Variants in GABPA observed in about 807,000 individuals in gnomAD.
The protein encoded by GABPA is GA binding protein transcription factor subunit alpha, also known as GA-binding protein alpha chain.
In GABPA, 4 loss-of-function variants were observed where a neutral mutation model predicts 59.4. That is an observed-to-expected ratio of 0.07 (90% CI 0.03 to 0.15). The LOEUF (loss-of-function observed/expected upper bound fraction) is 0.15. Among genes scored for constraint, GABPA ranks in the 10% least tolerant of loss-of-function variants. The pLI is 1.00. For missense variants in GABPA, 251 were observed against 543.8 expected (o/e 0.46, Z 5.36); for synonymous variants, 164 against 183.1 (o/e 0.90, Z 0.84).
chr21:25,757,670 A>G (rs541338482), intron 5 of GABPA, among the ~76,000 whole-genome samples: 1 of 152,008 alleles, frequency 6.6e-6, no homozygotes, highest in Non-Finnish European at 1.5e-5. Context: ...TTAAACTTGG[A>G]TAATTTACTT....
intron 5 of GABPA, 131 bp downstream of exon 5, chr21:25,752,365 CTT>C (rs2035534830): frequency 2.1e-6 from 2 of 968,578 alleles, no homozygotes; most frequent in Non-Finnish European, 1.5e-6. Flanking sequence ...CTGTATCTCT[CTT>C]TTAATTGTAA....
rs577783224 is a variant in GABPA, at chr21:25,771,143, C to T, written c.*1911C>T. The T allele has an allele frequency of 1.2e-4, 18 of 151,982 alleles. No individual in the cohort carries two copies. The East Asian group carries it at 2.9e-3, about 24-fold the overall frequency. The allele number at this position is 151,982 out of a possible 1,614,324, so 9.4% of individuals were successfully genotyped here. On this transcript the variant is annotated 3_prime_UTR_variant, in exon 10 of 10. Coordinates refer to ENST00000400075, the MANE Select transcript of GABPA (RefSeq NM_002040.4). ...AGTTTTAAAAAAATAATAAAGTATACCCTTCTGGTATATCATCAAGAGCTT... is the reference window on the plus strand; with the variant it reads ...AGTTTTAAAAAAATAATAAAGTATATCCTTCTGGTATATCATCAAGAGCTT...
chr21:25,765,460 A>G (rs2035868015), intron 9 of GABPA, among the ~76,000 whole-genome samples: 1 of 151,872 alleles, frequency 6.6e-6, no homozygotes, highest in Admixed American at 6.6e-5. Flanking sequence ...AAAGATTATA[A>G]TTTAGCTCAC....
chr21:25,757,067 A>G (rs933685480), intron 5 of GABPA, among the ~76,000 whole-genome samples: 3 of 151,892 alleles, frequency 2.0e-5, no homozygotes, highest in African/African-American at 7.3e-5. Context: ...TGTTTGATTT[A>G]TTTTCACTAT....
intron 6 of GABPA, among the ~76,000 whole-genome samples, chr21:25,759,115 G>C (rs554191199): frequency 1.3e-5 from 2 of 152,084 alleles, no homozygotes; most frequent in East Asian, 3.9e-4. Flanking sequence ...GGCTGTCCAA[G>C]AAAACAAGGC....
At chr21:25,747,134 C>T (rs2035387125) in intron 3 of GABPA, among the ~76,000 whole-genome samples, 1 of 152,202 alleles carries the variant, frequency 6.6e-6, no homozygotes, top group South Asian at 2.1e-4. Flanking sequence ...AAAGGGTATA[C>T]TGGAATTTGA....
chr21:25,758,779 T>C (rs1453789260), intron 6 of GABPA, among the ~76,000 whole-genome samples: 2 of 152,192 alleles, frequency 1.3e-5, no homozygotes, highest in African/African-American at 2.4e-5. Context: ...TTTCCACTTA[T>C]AACTTGTAAG....
intron 3 of GABPA, 64 bp downstream of exon 3, chr21:25,745,418 A>T: frequency 6.7e-7 from 1 of 1,484,630 alleles, no homozygotes; most frequent in Non-Finnish European, 9.3e-7. Flanking sequence ...ATTTTTTGTT[A>T]GCCTTTTCTT....
intron 6 of GABPA, among the ~76,000 whole-genome samples, chr21:25,760,110 A>G (rs1251790820): frequency 1.3e-5 from 2 of 152,200 alleles, no homozygotes; most frequent in Admixed American, 1.3e-4. Context: ...CCCACAGCCT[A>G]GATGAGTGTC....
rs528052677 is a variant in GABPA at position 25,771,381 on chromosome 21, T to C, written c.*2149T>C. On this transcript the variant is annotated 3_prime_UTR_variant, in exon 10 of 10. Coordinates refer to ENST00000400075, the MANE Select transcript of GABPA (RefSeq NM_002040.4). ...TCATATTTTATTCATTTTCTCCCTT[T>C]AGCAATTTTCATTTTATTTCTCATA... 1.3e-5 allele frequency: 2 copies of C among 151,974 alleles called. No individual in the cohort carries two copies. Among genetic ancestry groups the C allele is most frequent in the South Asian group, 2.1e-4 (1 of 4,830 alleles). 9.4% of individuals were successfully genotyped at this position (151,974 alleles called of 1,614,324 possible).
chr21:25,769,264 T>A lies in GABPA; in HGVS notation c.*32T>A, dbSNP rs774215105. On this transcript the variant is annotated 3_prime_UTR_variant, in exon 10 of 10. Transcript: ENST00000400075. Reference sequence around the variant, plus strand: ...GGACATTCTGAGACTCCAAAGTCTTTCTTAAAATGTTTAGAGCAAGTATAG... The same window carrying A: ...GGACATTCTGAGACTCCAAAGTCTTACTTAAAATGTTTAGAGCAAGTATAG... The A allele has an allele frequency of 7.2e-7, 1 of 1,381,380 alleles. No individual in the cohort carries two copies. The highest frequency in any genetic ancestry group is 1.0e-6 in the Non-Finnish European group (1 of 970,552). 85.6% of individuals were successfully genotyped at this position (1,381,380 alleles called of 1,614,324 possible). A position where few individuals can be genotyped will look rare whatever the true frequency, so the allele number is the denominator to read the frequency against.
chr21:25,763,003 G>T lies in GABPA; in HGVS notation c.802+638G>T, dbSNP rs148104793. ...TGGCTTTTCCCCTTTCTTTTCTCTC[G>T]CTTTGCCTTCAGCTTTATTCTTTAC... is the stretch of plus-strand genomic sequence containing the variant. On this transcript the variant is annotated intron_variant, in intron 7 of 9. Transcript: ENST00000400075. The T allele has an allele frequency of 2.0e-3, 758 of 378,474 alleles. 9 individuals are homozygous for T. The highest frequency in any genetic ancestry group is 0.016 in the African/African-American group (720 of 45,686). The allele number at this position is 378,474 out of a possible 1,614,324, so 23.4% of individuals were successfully genotyped here.
At chr21:25,742,916 G>A (rs2035260561) in intron 2 of GABPA, among the ~76,000 whole-genome samples, 1 of 151,082 alleles carries the variant, frequency 6.6e-6, no homozygotes, top group Admixed American at 6.6e-5. Flanking sequence ...TTTAGTGACA[G>A]GACAAGGTGC....
At position 25,752,021 on chromosome 21, in the gene GABPA, G is replaced by A; in HGVS notation, c.340G>A (p.Val114Ile). ...IEPKLNILEI[V>I]KPADTVEVVI... ...ACCAAAGTTAAACATCCTTGAAATT[G>A]TTAAACCTGCGGACACTGTTGAGGT... Residue 114 changes from valine to isoleucine, a missense_variant, in exon 5 of 10, where the codon GTT becomes ATT. Coordinates refer to ENST00000400075, the MANE Select transcript of GABPA (RefSeq NM_002040.4). 1 of 1,611,860 alleles carries A rather than the reference G, an allele frequency of 6.2e-7. No individual in the cohort carries two copies. Among genetic ancestry groups the A allele is most frequent in the Non-Finnish European group, 8.5e-7 (1 of 1,178,232 alleles).
intron 9 of GABPA, among the ~76,000 whole-genome samples, chr21:25,765,734 C>T (rs1170731326): frequency 2.0e-5 from 3 of 151,804 alleles, no homozygotes; most frequent in East Asian, 1.9e-4. Context: ...AAAGATTCTT[C>T]GTTTATAATC....
At chr21:25,748,893 G>A (rs1005710293) in intron 3 of GABPA, 143 bp from the exon 4 acceptor site, 6 of 627,330 alleles carry the variant, frequency 9.6e-6, no homozygotes, top group Non-Finnish European at 1.7e-5. Context: ...AATATGACAA[G>A]CTAAATAATG....
intron 6 of GABPA, 122 bp downstream of exon 6, chr21:25,758,326 T>C: frequency 1.5e-6 from 1 of 687,260 alleles, no homozygotes; most frequent in South Asian, 2.1e-5. Context: ...TAATTAACAT[T>C]TATTTACTGT....
chr21:25,746,805 A>G (rs971312663), intron 3 of GABPA, among the ~76,000 whole-genome samples: 1 of 152,218 alleles, frequency 6.6e-6, no homozygotes, highest in African/African-American at 2.4e-5. Context: ...CACTTCAGCA[A>G]ATTATTCCTA....
chr21:25,768,417 A>G (rs1385662051), intron 9 of GABPA, among the ~76,000 whole-genome samples: 1 of 152,056 alleles, frequency 6.6e-6, no homozygotes, highest in Admixed American at 6.6e-5. Flanking sequence ...CAAGACAGAA[A>G]AGAAGTGGAA....
Sources: gnomAD v4.1 joint callset for allele counts (sites outside exome capture counted in the v4.1 genomes callset) on GRCh38, gnomAD v4.1.1 for gene constraint, MANE v1.5 for transcripts, NCBI Gene and HGNC (gene_info 2026-07-23, HGNC 2026-07-21) for gene names.